OLFML3: variants seen among roughly 807,000 people sequenced by gnomAD.
OLFML3 encodes the protein olfactomedin-like protein 3.
Under a neutral mutation model 36.0 loss-of-function variants are expected in OLFML3, and 26 were observed. The observed-to-expected ratio is 0.72, with a 90% CI of 0.53 to 1.00. The LOEUF is 1.00. OLFML3 is among the 50% of genes least tolerant of loss of function. OLFML3 has a pLI of 0.00. For synonymous variants in OLFML3, 184 were observed against 201.2 expected, an observed-to-expected ratio of 0.91 and a Z score of 0.72; for missense variants, 503 against 519.4, an observed-to-expected ratio of 0.97 and a Z score of 0.31.
intron 1 of OLFML3, 150 bp downstream of exon 1, chr1:113,979,780 A>AT: frequency 1.2e-6 from 1 of 829,630 alleles, no homozygotes; most frequent in South Asian, 1.8e-5. Flanking sequence ...TCGGAATGAC[A>AT]AGCCCTCCTC....
In OLFML3 at chr1:113,981,489, C is replaced by T. The variant is rs1266423896; in HGVS notation, c.941C>T (p.Thr314Ile). 4 of 1,614,104 alleles carry T rather than the reference C, an allele frequency of 2.5e-6. No homozygotes were observed. The highest frequency in any genetic ancestry group is 3.4e-6 in the Non-Finnish European group (4 of 1,179,998). The change falls in exon 3 of 3, where the codon ACA becomes ATA. Residue 314 changes from threonine (T) to isoleucine (I), a missense_variant. Thr to Ile is a moderately conservative substitution (Grantham distance 89). Transcript: ENST00000320334. Reference sequence around the variant, plus strand: ...CTGGACACAGAGCAGCAGTGGGACACACCATGTCCCAGAGAGAATGCTGAG... The same window carrying T: ...CTGGACACAGAGCAGCAGTGGGACATACCATGTCCCAGAGAGAATGCTGAG... ...QTLDTEQQWD[T>I]PCPRENAEAA...
chr1:113,981,650 A>G lies in OLFML3; in HGVS notation c.1102A>G (p.Arg368Gly), dbSNP rs2101558945. Residue 368 changes from arginine to glycine, a missense_variant, in exon 3 of 3, where the codon AGA becomes GGA. Arg to Gly is a moderately radical substitution (Grantham distance 125, BLOSUM62 -2). Transcript: ENST00000320334. ...ERAALPYFPRRYGAHASLRYN... is the reference protein window; with the variant it reads ...ERAALPYFPRGYGAHASLRYN... ...GGCAGCACTCCCTTATTTTCCCCGC[A>G]GATATGGTGCCCATGCCAGCCTCCG... 1 of 1,614,050 alleles carries G rather than the reference A, an allele frequency of 6.2e-7. No individual in the cohort carries two copies. Among genetic ancestry groups the G allele is most frequent in the East Asian group, 2.2e-5 (1 of 44,860 alleles).
At position 113,981,577 on chromosome 1, in the gene OLFML3, C is replaced by G; in HGVS notation, c.1029C>G (p.Ala343=). 1 of 1,614,136 alleles carries G rather than the reference C, an allele frequency of 6.2e-7. No individual in the cohort carries two copies. The highest frequency in any genetic ancestry group is 8.5e-7 in the Non-Finnish European group (1 of 1,180,032). ...ATAACACCCGTCCTGCCAGTCGGGC[C>G]CGCATCCAGTGCTCCTTTGATGCCA... ...VVYNTRPASR[A]RIQCSFDASG... Residue 343 remains alanine (A), a synonymous_variant, in exon 3 of 3, where the codon GCC becomes GCG. Coordinates refer to ENST00000320334, the MANE Select transcript of OLFML3 (RefSeq NM_020190.5).
intron 1 of OLFML3, 36 bp from the exon 2 acceptor site, chr1:113,980,296 C>T (rs762568490): frequency 6.5e-7 from 1 of 1,528,404 alleles, no homozygotes; most frequent in Non-Finnish European, 8.8e-7. Context: ...GGAGTTGTAA[C>T]CCTGCAGCCT....
At chr1:113,979,849 A>G in intron 1 of OLFML3, 1 of 1,091,574 alleles carries the variant, frequency 9.2e-7, no homozygotes, top group Non-Finnish European at 1.3e-6. Context: ...CTCTGGGATT[A>G]GATAGAATAA....
Position 113,980,518 on chromosome 1 carries a change from A to C in OLFML3, c.301A>C (p.Asn101His). ...EREVDYLETQ[N>H]PALPCVEFDE... ...GGAGGTAGACTATCTGGAGACCCAGAACCCAGCTCTGCCCTGTGTAGAGTT... is the reference window on the plus strand; with the variant it reads ...GGAGGTAGACTATCTGGAGACCCAGCACCCAGCTCTGCCCTGTGTAGAGTT... Residue 101 changes from asparagine (N) to histidine (H), a missense_variant, in exon 2 of 3, where the codon AAC becomes CAC. Asn to His is a moderately conservative substitution (Grantham distance 68). Coordinates refer to ENST00000320334, the MANE Select transcript of OLFML3 (RefSeq NM_020190.5). 6.2e-7 allele frequency: 1 copy of C among 1,614,158 alleles called. No individual in the cohort carries two copies. The highest frequency in any genetic ancestry group is 1.1e-5 in the South Asian group (1 of 91,076).
Position 113,981,911 on chromosome 1 carries a change from C to A in OLFML3, c.*142C>A, listed in dbSNP as rs1348496869. 7 of 715,426 alleles carry A rather than the reference C, an allele frequency of 9.8e-6. No homozygotes were observed. The highest frequency in any genetic ancestry group is 1.6e-5 in the Non-Finnish European group (7 of 434,586). 44.3% of individuals were successfully genotyped at this position (715,426 alleles called of 1,614,324 possible). ...ATTTTTAGCCAATGGCAATCAAATT[C>A]TTTCAGCTCCTTTGTTTCATACGGA... On this transcript the variant is annotated 3_prime_UTR_variant, in exon 3 of 3. Coordinates refer to ENST00000320334, the MANE Select transcript of OLFML3 (RefSeq NM_020190.5).
In OLFML3 at chr1:113,979,615, A is replaced by ACTAG; in HGVS notation, c.102_105dup (p.Ala36SerfsTer15). On this transcript the variant is annotated frameshift_variant, in exon 1 of 3. Transcript: ENST00000320334. LOFTEE classifies it high-confidence loss of function. ...ACCTTGTGGAGTACATGGAACGCCGACTAGCTGCTTTAGAGGTGAGGGACC... is the reference window on the plus strand; with the variant it reads ...ACCTTGTGGAGTACATGGAACGCCGACTAGCTAGCTGCTTTAGAGGTGAGGGACC... The ACTAG allele has an allele frequency of 6.2e-7, 1 of 1,612,704 alleles. No homozygotes were observed. The highest frequency in any genetic ancestry group is 1.1e-5 in the South Asian group (1 of 91,058).
Position 113,982,029 on chromosome 1 carries a change from G to T in OLFML3, c.*260G>T. ...CCTGCCCCATGTCAACAAATTTCAG[G>T]CTAAGGATGCCCCAGACCCAGGGCT... On this transcript the variant is annotated 3_prime_UTR_variant, in exon 3 of 3. Transcript: ENST00000320334. 1 of 478,318 alleles carries T rather than the reference G, an allele frequency of 2.1e-6. No homozygotes were observed. Among genetic ancestry groups the T allele is most frequent in the Non-Finnish European group, 3.8e-6 (1 of 263,130 alleles). The allele number at this position is 478,318 out of a possible 1,614,324, so 29.6% of individuals were successfully genotyped here. A position where few individuals can be genotyped will look rare whatever the true frequency, so the allele number is the denominator to read the frequency against.
chr1:113,981,190 A>C lies in OLFML3; in HGVS notation c.642A>C (p.Val214=), dbSNP rs1486384277. The change falls in exon 3 of 3, where the codon GTA becomes GTC. Residue 214 remains valine, a synonymous_variant. Transcript: ENST00000320334. ...CCTGGGTAGGCACAGGGCAGCTGGT[A>C]TATGGTGGCTTTCTTTATTTTGCTC... The part of the protein sequence containing the change: ...PFPWVGTGQL[V]YGGFLYFARR... 2 of 1,614,076 alleles carry C rather than the reference A, an allele frequency of 1.2e-6. No individual in the cohort carries two copies. Among genetic ancestry groups the C allele is most frequent in the Non-Finnish European group, 1.7e-6 (2 of 1,180,038 alleles).
At position 113,981,333 on chromosome 1, in the gene OLFML3, TG is replaced by T; in HGVS notation, c.786del (p.Ile263SerfsTer6). The T allele has an allele frequency of 1.9e-6, 3 of 1,599,664 alleles. No individual in the cohort carries two copies. In the South Asian group the frequency reaches 3.4e-5, roughly 18 times the overall value. On this transcript the variant is annotated frameshift_variant, in exon 3 of 3. Coordinates refer to ENST00000320334, the MANE Select transcript of OLFML3 (RefSeq NM_020190.5). LOFTEE classifies it high-confidence loss of function. ...AGCTCAGTATTCCCAGCAGAGGGGC[TG>T]ATCCCCCCCTACGGCTTGACAGCAG... Reference protein sequence around the residue: ...VDSSVFPAEGLIPPYGLTADT... With the variant: ...VDSSVFPAEGXIPPYGLTADT...
rs375578039 is a variant in OLFML3, at chr1:113,979,478, G to A, written c.-39G>A. On this transcript the variant is annotated 5_prime_UTR_variant, in exon 1 of 3. Coordinates refer to ENST00000320334, the MANE Select transcript of OLFML3 (RefSeq NM_020190.5). The stretch of plus-strand genomic sequence containing the variant: ...CGGGCTTGAGGGGAAGAGGCTGACT[G>A]TACGTTCCTTCTACTCTGGCACCAC... 55 of 1,444,834 alleles carry A rather than the reference G, an allele frequency of 3.8e-5. No homozygotes were observed. Among genetic ancestry groups the A allele is most frequent in the Non-Finnish European group, 5.2e-5 (53 of 1,026,392 alleles). The allele number at this position is 1,444,834 out of a possible 1,614,324, so 89.5% of individuals were successfully genotyped here.
Position 113,979,490 on chromosome 1 carries a change from T to C in OLFML3, c.-27T>C. The C allele has an allele frequency of 2.0e-6, 3 of 1,520,468 alleles. No homozygotes were observed. In the South Asian group the frequency reaches 3.4e-5, roughly 17 times the overall value. 94.2% of individuals were successfully genotyped at this position (1,520,468 alleles called of 1,614,324 possible). ...GAAGAGGCTGACTGTACGTTCCTTCTACTCTGGCACCACTCTCCAGGCTGC... is the reference window on the plus strand; with the variant it reads ...GAAGAGGCTGACTGTACGTTCCTTCCACTCTGGCACCACTCTCCAGGCTGC... On this transcript the variant is annotated 5_prime_UTR_variant, in exon 1 of 3. Coordinates refer to ENST00000320334, the MANE Select transcript of OLFML3 (RefSeq NM_020190.5).
rs549640969 is a variant in OLFML3, at chr1:113,980,891, C to G, written c.401-58C>G. ...CCAGATCACCCACCCTGGGGGAGTT[C>G]CTGCTGGAGGCATCTAATTCTTGCC... On this transcript the variant is annotated intron_variant, in intron 2 of 2. Coordinates refer to ENST00000320334, the MANE Select transcript of OLFML3 (RefSeq NM_020190.5). The G allele has an allele frequency of 1.2e-4, 172 of 1,398,216 alleles. 5 individuals are homozygous for G. In the South Asian group the frequency reaches 2.3e-3, roughly 18 times the overall value. 86.6% of individuals were successfully genotyped at this position (1,398,216 alleles called of 1,614,324 possible). A position where few individuals can be genotyped will look rare whatever the true frequency, so the allele number is the denominator to read the frequency against.
chr1:113,981,067 T>C lies in OLFML3; in HGVS notation c.519T>C (p.Asp173=), dbSNP rs777416008. ...AAACAGAGAAGATCTACGTGTTAGA[T>C]GGGACACAGAATGACACAGCCTTTG... The part of the protein sequence containing the change: ...LGQTEKIYVL[D]GTQNDTAFVF... Residue 173 remains aspartate, a synonymous_variant, in exon 3 of 3, where the codon GAT becomes GAC. Coordinates refer to ENST00000320334, the MANE Select transcript of OLFML3 (RefSeq NM_020190.5). 1.9e-6 allele frequency: 3 copies of C among 1,610,518 alleles called. No individual in the cohort carries two copies. Among genetic ancestry groups the C allele is most frequent in the Non-Finnish European group, 2.5e-6 (3 of 1,177,718 alleles).
chr1:113,980,029 A>C (rs1438228639), intron 1 of OLFML3: 2 of 1,515,078 alleles, frequency 1.3e-6, no homozygotes, highest in Non-Finnish European at 1.8e-6. Flanking sequence ...GGGAGCAGAG[A>C]CCTCTTCACA....
Position 113,981,258 on chromosome 1 carries a change from A to G in OLFML3, c.710A>G (p.Asn237Ser). The change falls in exon 3 of 3, where the codon AAC becomes AGC. Residue 237 changes from asparagine (N) to serine (S), a missense_variant. Transcript: ENST00000320334. ...GRPGGGGEME[N>S]TLQLIKFHLA... The stretch of plus-strand genomic sequence containing the variant: ...CCTGGTGGAGGTGGTGAGATGGAGA[A>G]CACTTTGCAGCTAATCAAATTCCAC... 1 of 1,612,424 alleles carries G rather than the reference A, an allele frequency of 6.2e-7. No individual in the cohort carries two copies. The highest frequency in any genetic ancestry group is 8.5e-7 in the Non-Finnish European group (1 of 1,179,252).
chr1:113,980,659 G>A (rs949509239), intron 2 of OLFML3, 42 bp downstream of exon 2: 8 of 1,508,990 alleles, frequency 5.3e-6, no homozygotes, highest in Non-Finnish European at 6.2e-6. Flanking sequence ...TCTCAGAACC[G>A]ATATTCTTCC....
At chr1:113,980,311 C>T (rs1673362345) in intron 1 of OLFML3, 21 bp from the exon 2 acceptor site, 5 of 1,534,188 alleles carry the variant, frequency 3.3e-6, no homozygotes, top group Non-Finnish European at 4.4e-6. Flanking sequence ...CAGCCTCCCT[C>T]CTGATCCCCC....
Sources: allele counts gnomAD v4.1 joint callset, GRCh38; gene constraint gnomAD v4.1.1; transcripts MANE v1.5; gene names NCBI Gene and HGNC (gene_info 2026-07-23, HGNC 2026-07-21).